Variants in TAFA2 observed in about 807,000 individuals in gnomAD.
The protein encoded by TAFA2 is TAFA chemokine like family member 2, also known as chemokine-like protein TAFA-2.
In TAFA2, 7 loss-of-function variants were observed where a neutral mutation model predicts 18.8. The ratio of observed to expected loss-of-function variants is 0.37; its 90% confidence interval spans 0.21 to 0.70. The LOEUF (loss-of-function observed/expected upper bound fraction) is 0.70. Ranked by LOEUF, TAFA2 falls within the 30% of genes least tolerant of loss-of-function variation. The pLI, the probability that TAFA2 is intolerant of heterozygous loss-of-function variation, is 0.53. For synonymous variants in TAFA2, 60 were observed against 54.2 expected (o/e 1.11, Z -0.47); for missense variants, 122 against 158.1 (o/e 0.77, Z 1.23).
At chr12:61,867,228 A>G (rs527402501) in intron 2 of TAFA2, 92 bp downstream of exon 2, 1 of 811,506 alleles carries the variant, frequency 1.2e-6, no homozygotes, top group South Asian at 1.5e-5. Flanking sequence ...ACCTAGTAAA[A>G]TTTAACAGAC....
chr12:62,041,346 T>C (rs746378465), intron 1 of TAFA2, among the ~76,000 whole-genome samples: 2 of 152,162 alleles, frequency 1.3e-5, no homozygotes, highest in Non-Finnish European at 2.9e-5. Flanking sequence ...ATTCTTTGCA[T>C]GGCACTATAA....
intron 2 of TAFA2, among the ~76,000 whole-genome samples, chr12:61,832,460 C>A (rs1294509901): frequency 6.6e-6 from 1 of 152,076 alleles, no homozygotes; most frequent in African/African-American, 2.4e-5. Context: ...TGATTCCAGG[C>A]AGTCATTCAA....
intron 1 of TAFA2, among the ~76,000 whole-genome samples, chr12:62,179,504 G>A (rs1206051208): frequency 6.6e-6 from 1 of 152,088 alleles, no homozygotes; most frequent in East Asian, 1.9e-4. Flanking sequence ...TGTCAGAACT[G>A]GAACTCATTA....
chr12:62,023,069 G>C (rs1881198069), intron 1 of TAFA2, among the ~76,000 whole-genome samples: 1 of 152,204 alleles, frequency 6.6e-6, no homozygotes, highest in African/African-American at 2.4e-5. Context: ...GACAGTGAGA[G>C]ACAAAGAGAA....
chr12:62,151,835 GA>G (rs1369314573), intron 1 of TAFA2, among the ~76,000 whole-genome samples: 1 of 152,164 alleles, frequency 6.6e-6, no homozygotes, highest in East Asian at 1.9e-4. Flanking sequence ...ACGGGGTTAA[GA>G]ATACTAAGAA....
chr12:61,730,199 T>G (rs1382796808), intron 4 of TAFA2, among the ~76,000 whole-genome samples: 1 of 152,110 alleles, frequency 6.6e-6, no homozygotes, highest in Admixed American at 6.6e-5. Flanking sequence ...TTCTGAACAC[T>G]GATTATGCTA....
intron 1 of TAFA2, among the ~76,000 whole-genome samples, chr12:62,133,756 A>G (rs937050620): frequency 2.0e-5 from 3 of 152,114 alleles, no homozygotes; most frequent in African/African-American, 7.2e-5. Context: ...GTAGCATGGT[A>G]TGTGGGTGCC....
intron 1 of TAFA2, among the ~76,000 whole-genome samples, chr12:62,217,382 C>T (rs2062740034): frequency 6.6e-6 from 1 of 152,022 alleles, no homozygotes; most frequent in African/African-American, 2.4e-5. Flanking sequence ...AGGAGTTACA[C>T]ACCATTTTTT....
At chr12:61,975,492 C>A (rs1879397195) in intron 1 of TAFA2, among the ~76,000 whole-genome samples, 1 of 110,920 alleles carries the variant, frequency 9.0e-6, no homozygotes, top group African/African-American at 3.7e-5. Flanking sequence ...ACTGGATCTC[C>A]TTTTTAAGGC....
At chr12:61,925,054 G>A (rs878866625) in intron 1 of TAFA2, among the ~76,000 whole-genome samples, 1 of 152,126 alleles carries the variant, frequency 6.6e-6, no homozygotes, top group Non-Finnish European at 1.5e-5. Flanking sequence ...AAATATATAT[G>A]CACCCAATAC....
In TAFA2 at chr12:61,737,314, A is replaced by G. The variant is rs114255848; in HGVS notation, c.384+16308T>C. 5.5e-3 allele frequency among the ~76,000 whole-genome samples: 839 copies of G among 152,068 alleles called. 5 individuals carry two copies. Among genetic ancestry groups the G allele is most frequent in the African/African-American group, 0.019 (794 of 41,516 alleles). ...GATTTTGCCTAAAATTGAAACATGA[A>G]AATTGCATATCTTTTTCAATTTCTC... On this transcript the variant is annotated intron_variant, in intron 4 of 4. Transcript: ENST00000416284.
chr12:62,005,228 T>C (rs1043707720), intron 1 of TAFA2, among the ~76,000 whole-genome samples: 1 of 152,122 alleles, frequency 6.6e-6, no homozygotes, highest in Non-Finnish European at 1.5e-5. Flanking sequence ...GCAGTGTTTA[T>C]TTGCTTGACT....
intron 2 of TAFA2, among the ~76,000 whole-genome samples, chr12:61,845,149 AG>A (rs1254505126): frequency 6.6e-6 from 1 of 152,200 alleles, no homozygotes; most frequent in Non-Finnish European, 1.5e-5. Context: ...CAAGGCAATT[AG>A]TTGAGTTGGC....
chr12:61,796,950 G>A (rs1240205059), intron 2 of TAFA2, among the ~76,000 whole-genome samples: 1 of 152,140 alleles, frequency 6.6e-6, no homozygotes, highest in Non-Finnish European at 1.5e-5. Flanking sequence ...TACATGTGAA[G>A]AGGTCATACC....
chr12:61,941,625 G>T (rs1029677654), intron 1 of TAFA2, among the ~76,000 whole-genome samples: 2 of 152,242 alleles, frequency 1.3e-5, no homozygotes, highest in East Asian at 3.9e-4. Context: ...GCAGGGCGAG[G>T]CATTGCCTCA....
chr12:61,852,859 C>T (rs1873731837), intron 2 of TAFA2, among the ~76,000 whole-genome samples: 1 of 151,992 alleles, frequency 6.6e-6, no homozygotes, highest in Non-Finnish European at 1.5e-5. Context: ...ATACAGTATT[C>T]TAAAAGCAAT....
chr12:61,774,678 G>A (rs1326400291), intron 2 of TAFA2, among the ~76,000 whole-genome samples: 1 of 151,518 alleles, frequency 6.6e-6, no homozygotes, highest in Admixed American at 6.6e-5. Context: ...GAAAGAGTGG[G>A]AGGATGGTGA....
At chr12:62,143,963 G>A (rs148055091) in intron 1 of TAFA2, among the ~76,000 whole-genome samples, 2,175 of 149,652 alleles carry the variant, frequency 0.015, 56 homozygotes, top group African/African-American at 0.049. Flanking sequence ...TGGGAGGATC[G>A]CTTGAGCCAA....
intron 2 of TAFA2, among the ~76,000 whole-genome samples, chr12:61,765,326 C>T (rs531096195): frequency 6.6e-6 from 1 of 152,020 alleles, no homozygotes; most frequent in Non-Finnish European, 1.5e-5. Flanking sequence ...AGAGACCCAC[C>T]CCTACTACCA....
Sources: gnomAD v4.1 joint callset for allele counts (sites outside exome capture counted in the v4.1 genomes callset) on GRCh38, gnomAD v4.1.1 for gene constraint, MANE v1.5 for transcripts, NCBI Gene and HGNC (gene_info 2026-07-23, HGNC 2026-07-21) for gene names.